The following ZWILCH variants were observed in gnomAD, a reference collection of about 807,000 sequenced individuals.
The protein encoded by ZWILCH is protein zwilch homolog.
ZWILCH carries 74 observed loss-of-function variants against 79.9 expected under a neutral mutation model. The ratio of observed to expected loss-of-function variants is 0.93; its 90% confidence interval spans 0.77 to 1.12. The LOEUF is 1.12. Among genes scored for constraint, ZWILCH ranks in the 50% most tolerant of loss-of-function variants. The pLI is 0.00. For missense variants in ZWILCH, 694 were observed against 687.5 expected (o/e 1.01, Z -0.11); for synonymous variants, 241 against 228.2 (o/e 1.06, Z -0.51).
Position 66,515,585 on chromosome 15 carries a change from A to G in ZWILCH, c.261A>G (p.Ile87Met). 6.2e-7 allele frequency: 1 copy of G among 1,613,414 alleles called. No individual in the cohort carries two copies. Among genetic ancestry groups the G allele is most frequent in the African/African-American group, 1.3e-5 (1 of 74,986 alleles). The change falls in exon 4 of 19, where the codon ATA becomes ATG. Residue 87 changes from isoleucine to methionine, a missense_variant. By Grantham distance (10) the Ile-to-Met change is conservative (BLOSUM62 1). Transcript: ENST00000307897. ...AACTTCAATCTGAAGAAACTGCCAT[A>G]TCTGATTTCTCTACTGGCGAAAATG... ...IEELQSEETAISDFSTGENVG... is the reference protein window; with the variant it reads ...IEELQSEETAMSDFSTGENVG...
chr15:66,515,184 A>G (rs921739173), intron 3 of ZWILCH, among the ~76,000 whole-genome samples: 6 of 151,668 alleles, frequency 4.0e-5, no homozygotes, highest in Non-Finnish European at 8.8e-5. Flanking sequence ...TCTTGGGCTT[A>G]AGTGATTCTC....
intron 2 of ZWILCH, among the ~76,000 whole-genome samples, chr15:66,510,735 G>T (rs1484077461): frequency 1.3e-5 from 2 of 152,168 alleles, no homozygotes; most frequent in African/African-American, 2.4e-5. Flanking sequence ...CTCTAAGAAA[G>T]AATCTTTCCT....
Position 66,548,784 on chromosome 15 carries a change from A to C in ZWILCH, c.*460A>C. ...AAATTAAATGTTATTTGAAAATGTT[A>C]TAAGAGCTTTGTAAATATTTCAGAA... On this transcript the variant is annotated 3_prime_UTR_variant, in exon 19 of 19. Coordinates refer to ENST00000307897, the MANE Select transcript of ZWILCH (RefSeq NM_017975.5). 2.3e-6 allele frequency: 1 copy of C among 427,972 alleles called. No individual in the cohort carries two copies. Among genetic ancestry groups the C allele is most frequent in the South Asian group, 4.9e-5 (1 of 20,508 alleles). The allele number at this position is 427,972 out of a possible 1,614,324, so 26.5% of individuals were successfully genotyped here.
chr15:66,513,225 C>T (rs1365436638), intron 2 of ZWILCH, among the ~76,000 whole-genome samples: 1 of 152,118 alleles, frequency 6.6e-6, no homozygotes, highest in Non-Finnish European at 1.5e-5. Context: ...GCTACTGTAC[C>T]CAGCCTGTTT....
intron 17 of ZWILCH, 33 bp from the exon 18 acceptor site, chr15:66,546,558 G>A (rs367572317): frequency 4.9e-5 from 73 of 1,497,614 alleles, no homozygotes; most frequent in Non-Finnish European, 6.0e-5. Context: ...AGGGTGTTAA[G>A]CAATTCTGAT....
intron 2 of ZWILCH, among the ~76,000 whole-genome samples, chr15:66,513,576 C>CTT (rs1276845341): frequency 1.4e-5 from 2 of 143,806 alleles, no homozygotes; most frequent in Non-Finnish European, 3.1e-5. Context: ...GACTCTGTCT[C>CTT]TTTTTTTTTT....
At position 66,528,877 on chromosome 15, in the gene ZWILCH, T is replaced by A; in HGVS notation, c.995T>A (p.Val332Asp). The change falls in exon 11 of 19, where the codon GTC becomes GAC. Residue 332 changes from valine (V) to aspartate (D), a missense_variant. Transcript: ENST00000307897. ...ACCTTGAAGCATGACACTGCTGCAGTCGATCGTTCCGTCAAGCGTCTTTTC... is the reference window on the plus strand; with the variant it reads ...ACCTTGAAGCATGACACTGCTGCAGACGATCGTTCCGTCAAGCGTCTTTTC... ...VETLKHDTAA[V>D]DRSVKRLFKV... is the part of the protein sequence containing the mutation. The A allele has an allele frequency of 6.2e-7, 1 of 1,614,122 alleles. No individual in the cohort carries two copies. Among genetic ancestry groups the A allele is most frequent in the Non-Finnish European group, 8.5e-7 (1 of 1,179,972 alleles).
At chr15:66,513,923 T>C (rs749234505) in intron 2 of ZWILCH, 65 bp from the exon 3 acceptor site, 1 of 1,296,870 alleles carries the variant, frequency 7.7e-7, no homozygotes, top group African/African-American at 1.5e-5. Flanking sequence ...AACTGGTCTT[T>C]ATGTGTTTAG....
At chr15:66,507,349 C>T (rs1273920243) in intron 1 of ZWILCH, among the ~76,000 whole-genome samples, 1 of 152,176 alleles carries the variant, frequency 6.6e-6, no homozygotes, top group Non-Finnish European at 1.5e-5. Context: ...CCTGCCTTAT[C>T]TAGTCGATCC....
At chr15:66,508,755 A>G in intron 1 of ZWILCH, 86 bp from the exon 2 acceptor site, 1 of 1,584,124 alleles carries the variant, frequency 6.3e-7, no homozygotes, top group Non-Finnish European at 8.6e-7. Flanking sequence ...GGTGTCCTGC[A>G]GAGATAAAGT....
At chr15:66,511,716 A>G (rs1166422190) in intron 2 of ZWILCH, among the ~76,000 whole-genome samples, 2 of 151,988 alleles carry the variant, frequency 1.3e-5, no homozygotes, top group African/African-American at 4.8e-5. Flanking sequence ...CCCAGGTTCA[A>G]GTGATTCTTC....
At chr15:66,525,856 G>T (rs952090845) in intron 8 of ZWILCH, among the ~76,000 whole-genome samples, 1 of 139,180 alleles carries the variant, frequency 7.2e-6, no homozygotes, top group Non-Finnish European at 1.5e-5. Context: ...CCTCCTCCTA[G>T]ATTCAAGTGA....
chr15:66,532,911 T>G (rs1266342627), intron 13 of ZWILCH, 74 bp from the exon 14 acceptor site: 1 of 1,000,862 alleles, frequency 1.0e-6, no homozygotes, highest in Admixed American at 3.4e-5. Context: ...AAATAGAAAT[T>G]TAAATTAATT....
rs147718578 is a variant in ZWILCH, at chr15:66,511,894, C to T, written c.106-2094C>T. Among the ~76,000 whole-genome samples the T allele has an allele frequency of 2.2e-3, 332 of 152,086 alleles. 2 individuals are homozygous for T. Among genetic ancestry groups the T allele is most frequent in the African/African-American group, 7.6e-3 (317 of 41,492 alleles). ...CCTCCCAAAGTGCTGGGATTACATT[C>T]GTGAGCCACTGCACCCAGCCGTGAA... On this transcript the variant is annotated intron_variant, in intron 2 of 18. Coordinates refer to ENST00000307897, the MANE Select transcript of ZWILCH (RefSeq NM_017975.5).
Position 66,540,172 on chromosome 15 carries a change from A to G in ZWILCH, c.1649A>G (p.Asp550Gly). 6.2e-7 allele frequency: 1 copy of G among 1,613,728 alleles called. No individual in the cohort carries two copies. The highest frequency in any genetic ancestry group is 1.1e-5 in the South Asian group (1 of 91,044). ...ATTAAGACAGTTTGGCAACTGAGTGACAGCTCACCCATAGACCATCTGAAT... is the reference window on the plus strand; with the variant it reads ...ATTAAGACAGTTTGGCAACTGAGTGGCAGCTCACCCATAGACCATCTGAAT... Reference protein sequence around the residue: ...KKIKTVWQLSDSSPIDHLNFH... With the variant: ...KKIKTVWQLSGSSPIDHLNFH... Residue 550 changes from aspartate to glycine, a missense_variant, in exon 17 of 19, where the codon GAC (aspartate) becomes GGC (glycine). Transcript: ENST00000307897.
intron 1 of ZWILCH, 172 bp from the exon 2 acceptor site, chr15:66,508,669 T>G (rs759571781): frequency 2.3e-6 from 3 of 1,325,596 alleles, no homozygotes; most frequent in Non-Finnish European, 2.0e-6. Flanking sequence ...ACCTAATGCT[T>G]CTTTTCTGCT....
chr15:66,519,222 G>A (rs537899266), intron 5 of ZWILCH, 144 bp downstream of exon 5: 2 of 746,298 alleles, frequency 2.7e-6, no homozygotes, highest in East Asian at 2.7e-5. Flanking sequence ...CTACTCTGGT[G>A]TGTAACTTGC....
At chr15:66,508,731 T>G (rs2140732591) in intron 1 of ZWILCH, 110 bp from the exon 2 acceptor site, 1 of 1,506,444 alleles carries the variant, frequency 6.6e-7, no homozygotes, top group East Asian at 2.4e-5. Flanking sequence ...TACTTGCTTT[T>G]TGCCTTTCCT....
chr15:66,517,455 T>TATATATATATATAG (rs1180456312), intron 4 of ZWILCH, among the ~76,000 whole-genome samples: 1,157 of 114,714 alleles, frequency 0.01, 21 homozygotes, highest in East Asian at 0.05. Context: ...TATATATATA[T>TATATATATATATAG]AGTAATGTAC....
Sources: gnomAD v4.1 joint callset for allele counts (sites outside exome capture counted in the v4.1 genomes callset) on GRCh38, gnomAD v4.1.1 for gene constraint, MANE v1.5 for transcripts, NCBI Gene and HGNC (gene_info 2026-07-23, HGNC 2026-07-21) for gene names.